Variants in LOC114841035 observed in about 807,000 individuals in gnomAD.
chr11:64,243,480 T>C, the LOC114841035 span: 9 of 1,613,926 alleles, frequency 5.6e-6, no homozygotes, highest in Non-Finnish European at 7.6e-6. Flanking sequence ...CGCAAGCTGG[T>C]GATCCCATCC....
the LOC114841035 span, chr11:64,242,458 G>T: frequency 3.9e-5 from 61 of 1,548,574 alleles, no homozygotes; most frequent in Non-Finnish European, 5.1e-5. Context: ...ACGGCCACGG[G>T]GGCCGAGGGC....
At chr11:64,243,593 C>T in the LOC114841035 span, 9 of 1,471,504 alleles carry the variant, frequency 6.1e-6, no homozygotes, top group African/African-American at 1.4e-5. Context: ...TCACCGTATC[C>T]ATTCATTACA....
chr11:64,242,644 G>C, the LOC114841035 span: 3 of 1,417,174 alleles, frequency 2.1e-6, no homozygotes, highest in Non-Finnish European at 1.9e-6. Flanking sequence ...CCATAAGCCA[G>C]GTAGGTGACC....
the LOC114841035 span, chr11:64,242,584 G>A: frequency 2.0e-6 from 3 of 1,525,664 alleles, no homozygotes; most frequent in Non-Finnish European, 2.6e-6. Context: ...GGGCCTTTTG[G>A]GAGTGGGTGG....
the LOC114841035 span, chr11:64,243,712 C>A: frequency 1.5e-6 from 2 of 1,353,766 alleles, no homozygotes; most frequent in Non-Finnish European, 1.0e-6. Context: ...CCTTTGGCAC[C>A]CCCTTCCCAT....
Sources: gnomAD v4.1 joint callset for allele counts on GRCh38, gnomAD v4.1.1 for gene constraint, MANE v1.5 for transcripts.